The following GEMIN8 variants were observed in gnomAD, a reference collection of about 807,000 sequenced individuals.
The protein encoded by GEMIN8 is gem nuclear organelle associated protein 8.
For synonymous variants in GEMIN8, 80 were observed against 78.5 expected (o/e 1.02, Z -0.10); for missense variants, 185 against 205.9 (o/e 0.90, Z 0.62).
the GEMIN8 span, chrX:13,988,828 G>A: frequency 0.25 from 25,455 of 100,404 alleles, 2,741 homozygotes; most frequent in Non-Finnish European, 0.3. Flanking sequence ...AAGAAGTCAC[G>A]CCTGTTTCAC....
intron 4 of GEMIN8, chrX:14,013,808 C>A: frequency 6.7e-6 from 1 of 149,421 alleles, no homozygotes; most frequent in Non-Finnish European, 1.1e-5. Flanking sequence ...TTTTTTTAAT[C>A]CACCCAGGTT....
chrX:13,995,970 T>TA, the GEMIN8 span, among the ~76,000 whole-genome samples: 2 of 112,144 alleles, frequency 1.8e-5, no homozygotes, highest in African/African-American at 6.5e-5. Context: ...TGTCATTTTC[T>TA]AACTTCCCAC....
At chrX:14,017,902 G>A (rs1474619391) in intron 4 of GEMIN8, among the ~76,000 whole-genome samples, 1 of 112,186 alleles carries the variant, frequency 8.9e-6, no homozygotes, top group Non-Finnish European at 1.9e-5. Flanking sequence ...TTCTTGGGGA[G>A]ATACAATTCA....
chrX:14,027,070 A>G (rs955229069), intron 1 of GEMIN8: 16 of 113,047 alleles, frequency 1.4e-4, no homozygotes, highest in African/African-American at 4.5e-4. Context: ...GAGAAATCTG[A>G]GTGAGATAGA....
chrX:14,022,506 C>T (rs985064095), intron 2 of GEMIN8, among the ~76,000 whole-genome samples: 4 of 111,771 alleles, frequency 3.6e-5, no homozygotes, highest in African/African-American at 1.3e-4. Context: ...TTTCTCTCTA[C>T]CCACCTGTTG....
At chrX:13,998,585 AAT>A in the GEMIN8 span, among the ~76,000 whole-genome samples, 1 of 111,253 alleles carries the variant, frequency 9.0e-6, no homozygotes, top group East Asian at 2.8e-4. Context: ...TTTTTAAAAA[AAT>A]AAGTTACCCA....
downstream of GEMIN8, among the ~76,000 whole-genome samples, chrX:14,006,112 T>A (rs1201508905): frequency 9.3e-6 from 1 of 107,377 alleles, no homozygotes; most frequent in Non-Finnish European, 1.9e-5. Flanking sequence ...CACTGCAACC[T>A]CTGCCTCCTG....
chrX:13,990,382 T>C, the GEMIN8 span, among the ~76,000 whole-genome samples: 1 of 112,959 alleles, frequency 8.9e-6, no homozygotes, highest in African/African-American at 3.2e-5. Flanking sequence ...GTACAGCATG[T>C]ACCTCAGAAT....
At chrX:13,996,802 C>A in the GEMIN8 span, among the ~76,000 whole-genome samples, 2 of 111,650 alleles carry the variant, frequency 1.8e-5, no homozygotes, top group Admixed American at 1.9e-4. Context: ...AAGCTCTTCC[C>A]ATCAAGAGGT....
intron 4 of GEMIN8, among the ~76,000 whole-genome samples, chrX:14,011,866 A>G (rs376379213): frequency 1.1e-3 from 121 of 110,502 alleles, no homozygotes; most frequent in African/African-American, 3.8e-3. Flanking sequence ...TATAATTTAA[A>G]ATGTTTGTAA....
intron 3 of GEMIN8, among the ~76,000 whole-genome samples, chrX:14,020,912 C>G (rs982179471): frequency 9.0e-6 from 1 of 111,081 alleles, no homozygotes; most frequent in Non-Finnish European, 1.9e-5. Flanking sequence ...GCCAACTGAG[C>G]AACGGCCTGC....
At chrX:14,019,187 T>C (rs1924138128) in intron 4 of GEMIN8, among the ~76,000 whole-genome samples, 1 of 111,376 alleles carries the variant, frequency 9.0e-6, no homozygotes, top group South Asian at 3.8e-4. Context: ...AAATTGTAGG[T>C]AAAATGTCAT....
At chrX:13,990,191 T>C in the GEMIN8 span, among the ~76,000 whole-genome samples, 1 of 112,932 alleles carries the variant, frequency 8.9e-6, no homozygotes, top group African/African-American at 3.2e-5. Flanking sequence ...GAAATTTCTA[T>C]TGGACAGCAT....
downstream of GEMIN8, among the ~76,000 whole-genome samples, chrX:14,004,320 G>C (rs1036358783): frequency 8.9e-6 from 1 of 111,997 alleles, no homozygotes; most frequent in South Asian, 3.7e-4. Flanking sequence ...CTGTAGATGG[G>C]CACTTAATTT....
At chrX:14,022,563 C>A (rs190556535) in intron 2 of GEMIN8, among the ~76,000 whole-genome samples, 1 of 110,934 alleles carries the variant, frequency 9.0e-6, no homozygotes, top group African/African-American at 3.3e-5. Flanking sequence ...AATGGCTAAT[C>A]TGCAGCTGTA....
chrX:14,004,853 G>A (rs1287227823), downstream of GEMIN8, among the ~76,000 whole-genome samples: 3 of 111,176 alleles, frequency 2.7e-5, no homozygotes, highest in South Asian at 3.8e-4. Flanking sequence ...ATGAGCCACC[G>A]TGACTGGCCA....
At chrX:14,005,224 G>A (rs1016413772), downstream of GEMIN8, among the ~76,000 whole-genome samples, 27 of 110,437 alleles carry the variant, frequency 2.4e-4, no homozygotes, top group African/African-American at 6.9e-4. Context: ...GGACAGCTTC[G>A]GGATGGGGCC....
rs200220052 is a variant in GEMIN8, at chrX:14,008,869, A to G, written c.*44T>C. The G allele has an allele frequency of 1.9e-3, 2,166 of 1,153,453 alleles. 3 individuals carry two copies. The highest frequency in any genetic ancestry group is 2.4e-3 in the Non-Finnish European group (2,047 of 849,797). ...ACAGAAGGAGAGATAAAGAGCGTGTACCCAAAAGGAAGAAGGAGAGGCTGG... is the reference window on the plus strand; with the variant it reads ...ACAGAAGGAGAGATAAAGAGCGTGTGCCCAAAAGGAAGAAGGAGAGGCTGG... On this transcript the variant is annotated 3_prime_UTR_variant, in exon 5 of 5. Transcript: ENST00000680255.
At chrX:14,004,623 C>A (rs1305142658), downstream of GEMIN8, among the ~76,000 whole-genome samples, 1 of 112,358 alleles carries the variant, frequency 8.9e-6, no homozygotes, top group African/African-American at 3.2e-5. Flanking sequence ...GCTGACACGG[C>A]CTCAGCTCAC....
Sources: allele counts gnomAD v4.1 joint callset (sites outside exome capture counted in the v4.1 genomes callset), GRCh38; gene constraint gnomAD v4.1.1; transcripts MANE v1.5; gene names NCBI Gene and HGNC (gene_info 2026-07-23, HGNC 2026-07-21).